Variants in LRP1B observed in about 807,000 individuals in gnomAD.
The protein encoded by LRP1B is low-density lipoprotein receptor-related protein 1B.
In LRP1B, 217 loss-of-function variants were observed where a neutral mutation model predicts 556.6. That is an observed-to-expected ratio of 0.39 (90% confidence interval 0.35 to 0.44). The LOEUF is 0.44. Ranked by LOEUF, LRP1B falls within the 20% of genes least tolerant of loss-of-function variation. LRP1B has a pLI of 1.00. For missense variants in LRP1B, 5,053 were observed against 5,620.8 expected, an observed-to-expected ratio of 0.90 and a Z score of 3.23; for synonymous variants, 2,047 against 1,865.8, an observed-to-expected ratio of 1.10 and a Z score of -2.50.
intron 3 of LRP1B, among the ~76,000 whole-genome samples, chr2:141,270,397 A>G (rs777275093): frequency 5.3e-5 from 8 of 151,816 alleles, no homozygotes; most frequent in Non-Finnish European, 1.2e-4. Context: ...AATTAAAGAT[A>G]AAATTATGAT....
intron 3 of LRP1B, among the ~76,000 whole-genome samples, chr2:141,468,012 T>A (rs569128622): frequency 3.9e-4 from 59 of 152,206 alleles, no homozygotes; most frequent in African/African-American, 1.4e-3. Flanking sequence ...AGAAGTAAAC[T>A]ATGTTTCTTT....
chr2:141,273,484 T>C (rs1685165059), intron 3 of LRP1B, among the ~76,000 whole-genome samples: 1 of 152,136 alleles, frequency 6.6e-6, no homozygotes, highest in African/African-American at 2.4e-5. Flanking sequence ...TGGGGAGGAA[T>C]TAATTTTTCC....
chr2:140,254,059 CAAT>C (rs1188983486), intron 86 of LRP1B, among the ~76,000 whole-genome samples: 3 of 152,140 alleles, frequency 2.0e-5, no homozygotes, highest in Middle Eastern at 3.4e-3. Context: ...TGAGAGTAAA[CAAT>C]AAAGATTTCT....
At chr2:141,189,429 C>G (rs1681402481) in intron 6 of LRP1B, among the ~76,000 whole-genome samples, 1 of 151,994 alleles carries the variant, frequency 6.6e-6, no homozygotes, top group African/African-American at 2.4e-5. Context: ...CAATGTATAG[C>G]CAATCAATAA....
At chr2:140,976,571 GATCTCGGCTCATTGCA>G in intron 18 of LRP1B, among the ~76,000 whole-genome samples, 1 of 138,674 alleles carries the variant, frequency 7.2e-6, no homozygotes, top group African/African-American at 2.8e-5. Flanking sequence ...GCAGTGGCGC[GATCTCGGCTCATTGCA>G]ACCTCCACCT....
chr2:141,033,014 G>C (rs887238713), intron 11 of LRP1B, among the ~76,000 whole-genome samples: 3 of 151,922 alleles, frequency 2.0e-5, no homozygotes, highest in African/African-American at 7.3e-5. Context: ...AGGGGATGGG[G>C]CTGCTGGAGA....
At chr2:141,463,648 A>G (rs1181600144) in intron 3 of LRP1B, among the ~76,000 whole-genome samples, 1 of 133,886 alleles carries the variant, frequency 7.5e-6, no homozygotes, top group Non-Finnish European at 1.6e-5. Flanking sequence ...ATTATATATT[A>G]TATATAATTA....
At chr2:141,265,584 G>A (rs1471005569) in intron 3 of LRP1B, among the ~76,000 whole-genome samples, 3 of 152,092 alleles carry the variant, frequency 2.0e-5, no homozygotes, top group Admixed American at 2.0e-4. Flanking sequence ...TGAATAATAT[G>A]CAATGTGCTA....
intron 2 of LRP1B, among the ~76,000 whole-genome samples, chr2:141,698,336 T>C (rs1346951937): frequency 6.6e-6 from 1 of 151,668 alleles, no homozygotes. Context: ...CAATAAAGAA[T>C]GGTGAGTGCT....
chr2:140,358,024 G>T lies in LRP1B; in HGVS notation c.11350C>A (p.Leu3784Ile). 6.2e-7 allele frequency: 1 copy of T among 1,611,482 alleles called. No individual in the cohort carries two copies. The highest frequency in any genetic ancestry group is 8.5e-7 in the Non-Finnish European group (1 of 1,178,328). ...TCTGAACCATCTCCGCAGTCATCAA[G>T]TCGATCACACTGGAGATCCATAGGG... ...CIPMDLQCDR[L>I]DDCGDGSDEQ... is the part of the protein sequence containing the mutation. Residue 3784 changes from leucine (L) to isoleucine (I), a missense_variant, in exon 74 of 91, where the codon CTT becomes ATT. Physicochemically the swap from Leu to Ile is conservative, Grantham distance 5 (BLOSUM62 2). Transcript: ENST00000389484.
intron 1 of LRP1B, among the ~76,000 whole-genome samples, chr2:141,971,260 G>A (rs763779699): frequency 5.3e-5 from 8 of 151,466 alleles, no homozygotes; most frequent in Non-Finnish European, 1.2e-4. Flanking sequence ...AGAAAGGTAT[G>A]TTCCCTGGTG....
At chr2:141,927,701 C>A (rs924659082) in intron 1 of LRP1B, among the ~76,000 whole-genome samples, 4 of 151,980 alleles carry the variant, frequency 2.6e-5, no homozygotes, top group Non-Finnish European at 5.9e-5. Flanking sequence ...ATACATATGG[C>A]AGCCTGCTGA....
rs1248136367 is a variant in LRP1B at position 140,700,310 on chromosome 2, G to C, written c.6739C>G (p.His2247Asp). ...TTAATAAGCTGTATATTTCCAAAGT[G>C]TGCATCACTGTAAAAGATTCGGTTG... ...GTNRIFYSDA[H>D]FGNIQLIKDN... The change falls in exon 41 of 91, where the codon CAC (histidine) becomes GAC (aspartate). Residue 2247 changes from histidine to aspartate, a missense_variant. Coordinates refer to ENST00000389484, the MANE Select transcript of LRP1B (RefSeq NM_018557.3). 1 of 1,612,226 alleles carries C rather than the reference G, an allele frequency of 6.2e-7. No individual in the cohort carries two copies. Among genetic ancestry groups the C allele is most frequent in the South Asian group, 1.1e-5 (1 of 91,008 alleles).
intron 2 of LRP1B, among the ~76,000 whole-genome samples, chr2:141,614,127 A>G (rs1050114289): frequency 2.2e-5 from 3 of 139,148 alleles, no homozygotes; most frequent in East Asian, 4.5e-4. Flanking sequence ...CTTTTTTCTG[A>G]ATTCTCAGAA....
At chr2:141,403,527 A>G (rs1487116957) in intron 3 of LRP1B, among the ~76,000 whole-genome samples, 5 of 152,088 alleles carry the variant, frequency 3.3e-5, no homozygotes, top group Admixed American at 2.6e-4. Flanking sequence ...CTTTATTCAT[A>G]TGTAGATGGA....
At chr2:141,016,124 T>C (rs1406340339) in intron 12 of LRP1B, among the ~76,000 whole-genome samples, 1 of 152,050 alleles carries the variant, frequency 6.6e-6, no homozygotes, top group Non-Finnish European at 1.5e-5. Context: ...TTACACTTAT[T>C]ACAGAAAAGC....
intron 3 of LRP1B, among the ~76,000 whole-genome samples, chr2:141,389,415 A>G (rs1689963068): frequency 6.6e-6 from 1 of 152,204 alleles, no homozygotes; most frequent in South Asian, 2.1e-4. Flanking sequence ...CCAGATATCC[A>G]CATGCAAAAG....
intron 66 of LRP1B, among the ~76,000 whole-genome samples, chr2:140,395,349 T>C (rs1460140719): frequency 1.3e-5 from 2 of 152,212 alleles, no homozygotes; most frequent in African/African-American, 4.8e-5. Flanking sequence ...ACATGACATA[T>C]ACTATTATAG....
At chr2:141,855,279 C>A (rs1374673733) in intron 1 of LRP1B, among the ~76,000 whole-genome samples, 2 of 151,942 alleles carry the variant, frequency 1.3e-5, no homozygotes, top group African/African-American at 4.8e-5. Flanking sequence ...TAAAAAAAAA[C>A]TGCCTAAAGA....
Sources: allele counts gnomAD v4.1 joint callset (sites outside exome capture counted in the v4.1 genomes callset), GRCh38; gene constraint gnomAD v4.1.1; transcripts MANE v1.5; gene names NCBI Gene and HGNC (gene_info 2026-07-23, HGNC 2026-07-21).